The following CSMD1 variants were observed in gnomAD, a reference collection of about 807,000 sequenced individuals.
CSMD1 encodes CUB and Sushi multiple domains 1, also known as CUB and sushi domain-containing protein 1.
In CSMD1, 213 loss-of-function variants were observed where a neutral mutation model predicts 417.5. That is an observed-to-expected ratio of 0.51 (90% CI 0.46 to 0.57). CSMD1 has a LOEUF of 0.57. Among genes scored for constraint, CSMD1 ranks in the 20% least tolerant of loss-of-function variants. The pLI, the probability that CSMD1 is intolerant of heterozygous loss-of-function variation, is 0.00. For missense variants in CSMD1, 6,923 were observed against 4,529.7 expected, an observed-to-expected ratio of 1.53 and a Z score of -15.17; for synonymous variants, 2,862 against 1,736.8, an observed-to-expected ratio of 1.65 and a Z score of -16.11.
intron 5 of CSMD1, among the ~76,000 whole-genome samples, chr8:3,981,389 G>A (rs1311817180): frequency 6.6e-6 from 1 of 151,258 alleles, no homozygotes; most frequent in Non-Finnish European, 1.5e-5. Flanking sequence ...CAAATATGGT[G>A]CAGTGTATAC....
At chr8:3,472,878 G>T (rs1395952063) in intron 11 of CSMD1, among the ~76,000 whole-genome samples, 1 of 151,896 alleles carries the variant, frequency 6.6e-6, no homozygotes, top group African/African-American at 2.4e-5. Flanking sequence ...GCCACTAGAA[G>T]TAACTGTTGG....
chr8:4,737,385 T>C (rs1810310813), intron 1 of CSMD1, among the ~76,000 whole-genome samples: 1 of 151,974 alleles, frequency 6.6e-6, no homozygotes, highest in African/African-American at 2.4e-5. Context: ...AAATAACTAA[T>C]GGGTACTAGG....
chr8:4,208,313 G>A (rs563546088), intron 3 of CSMD1, among the ~76,000 whole-genome samples: 6 of 152,116 alleles, frequency 3.9e-5, no homozygotes, highest in African/African-American at 1.4e-4. Context: ...GACTGGAGAA[G>A]AAATAAAAGC....
At chr8:3,261,574 G>A (rs955064369) in intron 26 of CSMD1, among the ~76,000 whole-genome samples, 1 of 152,048 alleles carries the variant, frequency 6.6e-6, no homozygotes, top group African/African-American at 2.4e-5. Context: ...GTACTCATAG[G>A]AGTCCCAATC....
intron 5 of CSMD1, among the ~76,000 whole-genome samples, chr8:3,775,525 A>C (rs1399766170): frequency 6.6e-6 from 1 of 152,194 alleles, no homozygotes; most frequent in Non-Finnish European, 1.5e-5. Flanking sequence ...GGATCCTAAT[A>C]TTAAAAGCAG....
rs543649277 is a variant in CSMD1 at position 3,092,333 on chromosome 8, G to A, written c.7139-671C>T. The stretch of plus-strand genomic sequence containing the variant: ...TTATTACTAAAAATATATATTTAGA[G>A]ATAAATATAATAGGATAACAATTAT... On this transcript the variant is annotated intron_variant, in intron 47 of 69. Coordinates refer to ENST00000635120, the MANE Select transcript of CSMD1 (RefSeq NM_033225.6). Among the ~76,000 whole-genome samples the A allele has an allele frequency of 4.6e-3, 705 of 152,108 alleles. 2 individuals carry two copies. Among genetic ancestry groups the A allele is most frequent in the Non-Finnish European group, 7.7e-3 (524 of 67,986 alleles).
chr8:3,488,320 T>C (rs1029323585), intron 11 of CSMD1, among the ~76,000 whole-genome samples: 1 of 152,040 alleles, frequency 6.6e-6, no homozygotes, highest in Non-Finnish European at 1.5e-5. Flanking sequence ...GTTGCCCAGG[T>C]TGGTCTCAAA....
At chr8:3,527,665 G>C (rs1440345321) in intron 10 of CSMD1, among the ~76,000 whole-genome samples, 2 of 152,076 alleles carry the variant, frequency 1.3e-5, no homozygotes, top group Non-Finnish European at 2.9e-5. Flanking sequence ...TCATCCCCTT[G>C]CCAATTTGCT....
Position 4,466,982 on chromosome 8 carries a change from A to C in CSMD1, c.303-46917T>G, listed in dbSNP as rs190719050. 1.4e-3 allele frequency among the ~76,000 whole-genome samples: 220 copies of C among 152,226 alleles called. 1 individual carries two copies. The highest frequency in any genetic ancestry group is 5.0e-3 in the African/African-American group (206 of 41,550). On this transcript the variant is annotated intron_variant, in intron 2 of 69. Coordinates refer to ENST00000635120, the MANE Select transcript of CSMD1 (RefSeq NM_033225.6). ...TTCCCTTAGCTGTAAGGAAATGCTC[A>C]GCTGTGGGAGCTTTCTCAACATAGC...
At chr8:3,595,546 G>C (rs1029363029) in intron 8 of CSMD1, among the ~76,000 whole-genome samples, 2 of 152,136 alleles carry the variant, frequency 1.3e-5, no homozygotes, top group African/African-American at 4.8e-5. Context: ...TAGATACTGT[G>C]TGTTAGCAAT....
intron 5 of CSMD1, among the ~76,000 whole-genome samples, chr8:3,804,300 T>A (rs144565025): frequency 2.0e-5 from 3 of 151,910 alleles, no homozygotes; most frequent in South Asian, 4.2e-4. Context: ...AAATAAATAA[T>A]TTTTTTTGTG....
intron 3 of CSMD1, among the ~76,000 whole-genome samples, chr8:4,318,235 C>T (rs942684406): frequency 6.6e-6 from 1 of 152,038 alleles, no homozygotes; most frequent in African/African-American, 2.4e-5. Flanking sequence ...TTTTTTGTCA[C>T]TGTAGAAAGA....
chr8:4,642,715 G>T (rs1247249835), intron 1 of CSMD1, among the ~76,000 whole-genome samples: 1 of 152,186 alleles, frequency 6.6e-6, no homozygotes, highest in African/African-American at 2.4e-5. Context: ...TTGAAGTGGG[G>T]TGTGTAGCTT....
chr8:3,740,795 T>A (rs77989633), intron 6 of CSMD1, among the ~76,000 whole-genome samples: 1 of 152,220 alleles, frequency 6.6e-6, no homozygotes, highest in East Asian at 1.9e-4. Flanking sequence ...TGTGTTTACC[T>A]TGAGCATCAG....
intron 10 of CSMD1, among the ~76,000 whole-genome samples, chr8:3,562,965 G>T (rs149737525): frequency 1.3e-5 from 2 of 151,650 alleles, no homozygotes; most frequent in Non-Finnish European, 2.9e-5. Context: ...ATTTTTAATT[G>T]CATTCTATTA....
chr8:4,002,568 T>G (rs575655287), intron 4 of CSMD1, among the ~76,000 whole-genome samples: 1 of 152,220 alleles, frequency 6.6e-6, no homozygotes, highest in African/African-American at 2.4e-5. Flanking sequence ...TACTTAATTT[T>G]TGATATAATA....
At chr8:3,983,605 C>G (rs190602454) in intron 5 of CSMD1, among the ~76,000 whole-genome samples, 30 of 152,258 alleles carry the variant, frequency 2.0e-4, no homozygotes, top group Admixed American at 1.8e-3. Flanking sequence ...TTCATAAACC[C>G]CATTTATCAA....
At chr8:2,965,110 C>A (rs1803844727) in intron 59 of CSMD1, among the ~76,000 whole-genome samples, 1 of 152,164 alleles carries the variant, frequency 6.6e-6, no homozygotes, top group African/African-American at 2.4e-5. Context: ...GGTAAATAAA[C>A]TGTCACCACG....
intron 23 of CSMD1, among the ~76,000 whole-genome samples, chr8:3,336,934 TAA>T (rs949200426): frequency 1.3e-5 from 2 of 152,060 alleles, no homozygotes; most frequent in African/African-American, 4.8e-5. Context: ...AATGCTCCCC[TAA>T]AAAAAGTCAG....
Sources: gnomAD v4.1 joint callset for allele counts (sites outside exome capture counted in the v4.1 genomes callset) on GRCh38, gnomAD v4.1.1 for gene constraint, MANE v1.5 for transcripts, NCBI Gene and HGNC (gene_info 2026-07-23, HGNC 2026-07-21) for gene names.